CLYBL: variants seen among roughly 807,000 people sequenced by gnomAD.
CLYBL encodes citramalyl-CoA lyase, also known as citramalyl-CoA lyase, mitochondrial.
A neutral mutation model predicts 38.9 loss-of-function variants in CLYBL; 31 were observed. The observed-to-expected ratio is 0.80, with a 90% CI of 0.60 to 1.08. The LOEUF (loss-of-function observed/expected upper bound fraction) is 1.08. Ranked by LOEUF, CLYBL falls within the 50% of genes least tolerant of loss-of-function variation. The pLI is 0.00. For synonymous variants in CLYBL, 171 were observed against 158.6 expected, an observed-to-expected ratio of 1.08 and a Z score of -0.59; for missense variants, 434 against 411.6, an observed-to-expected ratio of 1.05 and a Z score of -0.47.
At chr13:99,824,264 C>CCCT (rs1030916204) in intron 2 of CLYBL, among the ~76,000 whole-genome samples, 2 of 130,408 alleles carry the variant, frequency 1.5e-5, no homozygotes, top group South Asian at 3.1e-4. Flanking sequence ...ATAGCCCCCC[C>CCCT]CACCCACCCC....
rs529366354 is a variant in CLYBL, at chr13:99,761,748, G to A, written c.63-11076G>A. On this transcript the variant is annotated intron_variant, in intron 1 of 8. Coordinates refer to ENST00000339105, the MANE Select transcript of CLYBL (RefSeq NM_206808.5). The stretch of plus-strand genomic sequence containing the variant: ...AGTTTCTTTGAGGAACCTCAATACT[G>A]TTCTCCATAGTGGCTATACTAATTT... Among the ~76,000 whole-genome samples, 3 of 152,290 alleles carry A rather than the reference G, an allele frequency of 2.0e-5. No individual in the cohort carries two copies. The South Asian group carries it at 6.2e-4, about 32-fold the overall frequency.
intron 9 of CLYBL, among the ~76,000 whole-genome samples, chr13:99,906,197 C>G (rs2052695709): frequency 6.6e-6 from 1 of 152,224 alleles, no homozygotes. Context: ...GCACCTGTCA[C>G]TGTGATCATC....
intron 1 of CLYBL, among the ~76,000 whole-genome samples, chr13:99,646,574 C>T (rs182492350): frequency 5.9e-4 from 82 of 139,422 alleles, no homozygotes; most frequent in African/African-American, 1.3e-3. Flanking sequence ...AGTGCAGTGG[C>T]GTGATCTCGG....
At chr13:99,828,325 G>A (rs2050737661) in intron 2 of CLYBL, among the ~76,000 whole-genome samples, 1 of 152,216 alleles carries the variant, frequency 6.6e-6, no homozygotes, top group Non-Finnish European at 1.5e-5. Context: ...TCTGAGTGAA[G>A]TCAGTGATGA....
chr13:99,896,183 C>T (rs550438464), downstream of CLYBL: 1 of 151,182 alleles, frequency 6.6e-6, no homozygotes, highest in Non-Finnish European at 1.5e-5. Flanking sequence ...GCGGGCCGCC[C>T]GGAGCCCGCG....
intron 2 of CLYBL, among the ~76,000 whole-genome samples, chr13:99,840,074 G>A (rs944056906): frequency 6.7e-6 from 1 of 149,784 alleles, no homozygotes; most frequent in Non-Finnish European, 1.5e-5. Flanking sequence ...CCCACCCCAC[G>A]CTGGGAACTC....
At chr13:99,757,812 T>G (rs2138721874) in intron 1 of CLYBL, among the ~76,000 whole-genome samples, 1 of 152,334 alleles carries the variant, frequency 6.6e-6, no homozygotes, top group African/African-American at 2.4e-5. Context: ...AGACCAATTA[T>G]GTCAAACTGT....
chr13:99,712,346 T>C (rs1284629435), intron 1 of CLYBL, among the ~76,000 whole-genome samples: 2 of 150,778 alleles, frequency 1.3e-5, no homozygotes, highest in Non-Finnish European at 3.0e-5. Context: ...TTTTTTTTTT[T>C]TTTTTTGAGA....
chr13:99,707,322 T>C (rs2048161189), intron 1 of CLYBL, among the ~76,000 whole-genome samples: 3 of 152,104 alleles, frequency 2.0e-5, no homozygotes, highest in Admixed American at 1.3e-4. Context: ...CAGACTGGAG[T>C]GTAGTGGTGC....
At chr13:99,693,994 A>T (rs1398019002) in intron 1 of CLYBL, among the ~76,000 whole-genome samples, 1 of 152,218 alleles carries the variant, frequency 6.6e-6, no homozygotes, top group Admixed American at 6.5e-5. Context: ...GCCCAAATTT[A>T]CAATAGGTTC....
chr13:99,786,789 T>C (rs1273502761), intron 2 of CLYBL, among the ~76,000 whole-genome samples: 6 of 152,054 alleles, frequency 3.9e-5, no homozygotes, highest in African/African-American at 1.4e-4. Flanking sequence ...CACACTGTCT[T>C]CCACAATGGT....
rs371378599 is a variant in CLYBL at position 99,670,637 on chromosome 13, T to C, written c.62+63880T>C. 2.4e-4 allele frequency among the ~76,000 whole-genome samples: 36 copies of C among 152,336 alleles called. 1 individual carries two copies. The South Asian group carries it at 5.6e-3, about 24-fold the overall frequency. ...AAAGTTTCCTCAATTACTGACTTTT[T>C]TCAGTTTTACAATTTGTTTTTGGCC... On this transcript the variant is annotated intron_variant, in intron 1 of 8. Transcript: ENST00000339105.
At chr13:99,666,517 C>T (rs1332937276) in intron 1 of CLYBL, among the ~76,000 whole-genome samples, 4 of 152,136 alleles carry the variant, frequency 2.6e-5, no homozygotes, top group Non-Finnish European at 5.9e-5. Context: ...TTTTTTCCCC[C>T]CTTTCTTAAA....
intron 1 of CLYBL, among the ~76,000 whole-genome samples, chr13:99,694,883 A>AT (rs2047956170): frequency 6.6e-6 from 1 of 152,026 alleles, no homozygotes; most frequent in African/African-American, 2.4e-5. Context: ...AGTGTGGGGA[A>AT]TTTTTTTCCT....
In CLYBL at chr13:99,646,679, A is replaced by ATT. The variant is rs1176000168; in HGVS notation, c.62+39939_62+39940dup. Among the ~76,000 whole-genome samples, 842 of 128,828 alleles carry ATT rather than the reference A, an allele frequency of 6.5e-3. 15 individuals carry two copies. The highest frequency in any genetic ancestry group is 0.022 in the African/African-American group (751 of 33,636). The allele number at this position is 128,828 out of a possible 152,430, so 84.5% of individuals were successfully genotyped here. A position where few individuals can be genotyped will look rare whatever the true frequency, so the allele number is the denominator to read the frequency against. On this transcript the variant is annotated intron_variant, in intron 1 of 8. Coordinates refer to ENST00000339105, the MANE Select transcript of CLYBL (RefSeq NM_206808.5). ...AGGTGCCCGCTACCACACCTGGCTA[A>ATT]TTTTTTTTTTTTTTTTTTGTATTTT...
At chr13:99,873,205 GT>G (rs2051953004) in intron 7 of CLYBL, among the ~76,000 whole-genome samples, 1 of 152,194 alleles carries the variant, frequency 6.6e-6, no homozygotes, top group Non-Finnish European at 1.5e-5. Context: ...CAGTTAGCAT[GT>G]TTCTTTCACT....
chr13:99,699,066 G>A (rs1030910154), intron 1 of CLYBL, among the ~76,000 whole-genome samples: 1 of 151,902 alleles, frequency 6.6e-6, no homozygotes, highest in Non-Finnish European at 1.5e-5. Context: ...TTAACATGGA[G>A]GAAATGTTAA....
At chr13:99,712,740 T>G (rs951493610) in intron 1 of CLYBL, among the ~76,000 whole-genome samples, 1 of 152,208 alleles carries the variant, frequency 6.6e-6, no homozygotes, top group Non-Finnish European at 1.5e-5. Context: ...CTTTTGATTT[T>G]GTTTTTAAAG....
At chr13:99,889,480 G>T (rs1023649846) in intron 7 of CLYBL, among the ~76,000 whole-genome samples, 9 of 152,160 alleles carry the variant, frequency 5.9e-5, no homozygotes, top group African/African-American at 2.2e-4. Context: ...TCACAGAGGT[G>T]ACCAAAATTA....
Sources: gnomAD v4.1 joint callset for allele counts (sites outside exome capture counted in the v4.1 genomes callset) on GRCh38, gnomAD v4.1.1 for gene constraint, MANE v1.5 for transcripts, NCBI Gene and HGNC (gene_info 2026-07-23, HGNC 2026-07-21) for gene names.